Variants in SERPINB12 observed in about 807,000 individuals in gnomAD.
SERPINB12 encodes the protein serpin family B member 12, also known as serpin B12.
A neutral mutation model predicts 41.1 loss-of-function variants in SERPINB12; 57 were observed. That is an observed-to-expected ratio of 1.39 (90% CI 1.12 to 1.73). The LOEUF is 1.73. Among genes scored for constraint, SERPINB12 ranks in the 40% most tolerant of loss-of-function variants. The pLI, the probability that SERPINB12 is intolerant of heterozygous loss-of-function variation, is 0.00. For synonymous variants in SERPINB12, 180 were observed against 181.3 expected, an observed-to-expected ratio of 0.99 and a Z score of 0.06; for missense variants, 536 against 501.9, an observed-to-expected ratio of 1.07 and a Z score of -0.65.
chr18:63,552,968 C>G (rs1910570963), intron 1 of SERPINB12, among the ~76,000 whole-genome samples: 1 of 152,096 alleles, frequency 6.6e-6, no homozygotes, highest in Non-Finnish European at 1.5e-5. Flanking sequence ...TTAACAGCAA[C>G]TGTCCAGCTG....
the SERPINB12 span, among the ~76,000 whole-genome samples, chr18:63,520,306 A>C: frequency 6.6e-6 from 1 of 152,310 alleles, no homozygotes; most frequent in East Asian, 1.9e-4. Context: ...GCCCAGCCCT[A>C]GAGGATGATG....
chr18:63,559,232 G>A (rs1382291632), intron 3 of SERPINB12, among the ~76,000 whole-genome samples: 4 of 151,796 alleles, frequency 2.6e-5, no homozygotes, highest in Non-Finnish European at 5.9e-5. Flanking sequence ...AGCCTCCAGA[G>A]TAGCTGGGAT....
chr18:63,528,909 A>G, the SERPINB12 span, among the ~76,000 whole-genome samples: 1 of 152,180 alleles, frequency 6.6e-6, no homozygotes, highest in East Asian at 1.9e-4. Context: ...AAATAAAGTC[A>G]AAAGAACTCA....
At chr18:63,529,862 A>G in the SERPINB12 span, among the ~76,000 whole-genome samples, 1 of 152,198 alleles carries the variant, frequency 6.6e-6, no homozygotes. Flanking sequence ...TGTTCAAATT[A>G]AAGAACTCTT....
chr18:63,552,261 G>T (rs139792041), intron 1 of SERPINB12, among the ~76,000 whole-genome samples: 1 of 151,946 alleles, frequency 6.6e-6, no homozygotes, highest in African/African-American at 2.4e-5. Context: ...AGACCAGGAG[G>T]GTCAATTTCT....
the SERPINB12 span, among the ~76,000 whole-genome samples, chr18:63,534,289 AAAAACAAAAC>A: frequency 5.9e-5 from 9 of 152,168 alleles, no homozygotes; most frequent in South Asian, 2.1e-4. Flanking sequence ...CAACACATTA[AAAAACAAAAC>A]AAAACAAAAC....
rs1272719531 is a variant in SERPINB12, at chr18:63,566,996, G to T, written c.1263G>T (p.Arg421Ser). The change falls in exon 8 of 8, where the codon AGG becomes AGT. Residue 421 changes from arginine (R) to serine (S), a missense_variant. Transcript: ENST00000382768. The part of the protein sequence containing the change: ...NKTQTILFYG[R>S]VCSP Reference sequence around the variant, plus strand: ...CCCAAACCATTCTCTTTTATGGCAGGGTCTGCTCTCCTTAAAAGGGGAGCA... The same window carrying T: ...CCCAAACCATTCTCTTTTATGGCAGTGTCTGCTCTCCTTAAAAGGGGAGCA... 2 of 1,590,722 alleles carry T rather than the reference G, an allele frequency of 1.3e-6. No homozygotes were observed. Among genetic ancestry groups the T allele is most frequent in the Non-Finnish European group, 1.7e-6 (2 of 1,170,920 alleles).
chr18:63,565,433 T>G lies in SERPINB12; in HGVS notation c.706-12T>G. 6.2e-7 allele frequency: 1 copy of G among 1,610,110 alleles called. No individual in the cohort carries two copies. Among genetic ancestry groups the G allele is most frequent in the African/African-American group, 1.3e-5 (1 of 74,834 alleles). ...ATAGCCGTCCTGTGACCTCCTACCT[T>G]GACTACTACAGAATGAAAACAAGAG... On this transcript the variant is annotated splice_polypyrimidine_tract_variant and intron_variant, in intron 6 of 7. Coordinates refer to ENST00000382768, the MANE Select transcript of SERPINB12 (RefSeq NM_001307928.2).
At chr18:63,526,713 C>T in the SERPINB12 span, among the ~76,000 whole-genome samples, 2 of 152,194 alleles carry the variant, frequency 1.3e-5, no homozygotes, top group East Asian at 1.9e-4. Context: ...GTTTTCACCT[C>T]TCTTTTCAAT....
chr18:63,566,932 C>T lies in SERPINB12; in HGVS notation c.1199C>T (p.Ala400Val). 6.2e-7 allele frequency: 1 copy of T among 1,613,866 alleles called. No homozygotes were observed. Among genetic ancestry groups the T allele is most frequent in the Non-Finnish European group, 8.5e-7 (1 of 1,179,948 alleles). Residue 400 changes from alanine (A) to valine (V), a missense_variant, in exon 8 of 8, where the codon GCC becomes GTC. Physicochemically the swap from Ala to Val is moderately conservative, Grantham distance 64. Transcript: ENST00000382768. The part of the protein sequence containing the change: ...RSLRSWVEFN[A>V]NHPFLFFIRH... ...CTACGATCTTGGGTGGAGTTTAATG[C>T]CAACCACCCTTTTCTCTTTTTCATT... is the stretch of plus-strand genomic sequence containing the variant.
intron 1 of SERPINB12, among the ~76,000 whole-genome samples, chr18:63,543,452 A>C (rs1910316225): frequency 6.6e-6 from 1 of 152,170 alleles, no homozygotes; most frequent in Non-Finnish European, 1.5e-5. Flanking sequence ...AGTGCCTGAC[A>C]CATTATAGGC....
chr18:63,561,332 G>T, intron 5 of SERPINB12, 130 bp downstream of exon 5: 1 of 614,106 alleles, frequency 1.6e-6, no homozygotes, highest in Non-Finnish European at 2.9e-6. Context: ...TTCAAAGCAT[G>T]GTTTGCAGAA....
intron 2 of SERPINB12, among the ~76,000 whole-genome samples, chr18:63,557,580 C>A (rs1456114000): frequency 6.6e-6 from 1 of 152,158 alleles, no homozygotes; most frequent in African/African-American, 2.4e-5. Flanking sequence ...CTTTATTCAT[C>A]TACTAAGATT....
At chr18:63,539,423 C>A (rs146827023), upstream of SERPINB12, among the ~76,000 whole-genome samples, 496 of 152,172 alleles carry the variant, frequency 3.3e-3, 6 homozygotes, top group African/African-American at 0.011. Flanking sequence ...GGAGGTGCTG[C>A]ATGTCCCAGT....
upstream of SERPINB12, among the ~76,000 whole-genome samples, chr18:63,542,066 T>C (rs912884366): frequency 6.6e-6 from 1 of 152,192 alleles, no homozygotes; most frequent in Admixed American, 6.6e-5. Context: ...TATGAACTCA[T>C]GTGTTACACA....
At chr18:63,529,242 A>G in the SERPINB12 span, among the ~76,000 whole-genome samples, 1 of 152,224 alleles carries the variant, frequency 6.6e-6, no homozygotes. Context: ...AAGGAGGATT[A>G]TGTAAGTTGC....
Position 63,567,270 on chromosome 18 carries a change from C to A in SERPINB12, c.*259C>A, listed in dbSNP as rs1189251982. 3.9e-5 allele frequency among the ~76,000 whole-genome samples: 6 copies of A among 152,164 alleles called. No individual in the cohort carries two copies. Among genetic ancestry groups the A allele is most frequent in the Admixed American group, 2.0e-4 (3 of 15,266 alleles). ...ACCCTCTGTGACCTGAAGGTCAACA[C>A]AATTCAGAACAGTACCTACCTCCTT... On this transcript the variant is annotated 3_prime_UTR_variant, in exon 8 of 8. Coordinates refer to ENST00000382768, the MANE Select transcript of SERPINB12 (RefSeq NM_001307928.2).
the SERPINB12 span, among the ~76,000 whole-genome samples, chr18:63,524,807 C>T: frequency 4.2e-5 from 6 of 143,854 alleles, no homozygotes; most frequent in Admixed American, 7.0e-5. Flanking sequence ...TGGAGTGCAG[C>T]GGCATGATCT....
At chr18:63,535,288 T>A in the SERPINB12 span, among the ~76,000 whole-genome samples, 2 of 152,134 alleles carry the variant, frequency 1.3e-5, no homozygotes, top group Non-Finnish European at 2.9e-5. Flanking sequence ...AACTTTACAA[T>A]GGAGAAATCT....
Sources: gnomAD v4.1 joint callset for allele counts (sites outside exome capture counted in the v4.1 genomes callset) on GRCh38, gnomAD v4.1.1 for gene constraint, MANE v1.5 for transcripts, NCBI Gene and HGNC (gene_info 2026-07-23, HGNC 2026-07-21) for gene names.